Variants in DNAAF9 observed in about 807,000 individuals in gnomAD.
The protein encoded by DNAAF9 is shulin.
In DNAAF9, 90 loss-of-function variants were observed where a neutral mutation model predicts 167.0. That is an observed-to-expected ratio of 0.54 (90% confidence interval 0.45 to 0.64). The LOEUF (loss-of-function observed/expected upper bound fraction) is 0.64. Among genes scored for constraint, DNAAF9 ranks in the 30% least tolerant of loss-of-function variants. The probability of loss-of-function intolerance (pLI) is 0.00; values close to 1 mark genes in which losing one functional copy is unlikely to be tolerated. For synonymous variants in DNAAF9, 491 were observed against 508.8 expected (o/e 0.96, Z 0.47); for missense variants, 1,315 against 1,442.2 (o/e 0.91, Z 1.43).
Position 3,307,303 on chromosome 20 carries a change from T to A in DNAAF9, c.1679-2760A>T, listed in dbSNP as rs114814772. On this transcript the variant is annotated intron_variant, in intron 20 of 36. Transcript: ENST00000252032. ...TAAACAGGATCTGATTTCAGTACTG[T>A]CCTGTGATCTGTCCTGTGATCGCAG... 1,314 of 199,356 alleles carry A rather than the reference T, an allele frequency of 6.6e-3. 23 individuals are homozygous for A. Among genetic ancestry groups the A allele is most frequent in the African/African-American group, 0.029 (1,234 of 42,304 alleles). 12.3% of individuals were successfully genotyped at this position (199,356 alleles called of 1,614,324 possible).
chr20:3,280,046 T>C (rs991836899), intron 28 of DNAAF9, among the ~76,000 whole-genome samples: 9 of 152,202 alleles, frequency 5.9e-5, no homozygotes, highest in Non-Finnish European at 1.2e-4. Context: ...GTAGATGAGC[T>C]GGGTGAATAC....
chr20:3,375,954 C>T (rs945004637), intron 4 of DNAAF9, among the ~76,000 whole-genome samples: 8 of 152,276 alleles, frequency 5.3e-5, no homozygotes, highest in Non-Finnish European at 7.3e-5. Flanking sequence ...CATAAACTTA[C>T]CACTAGGTCC....
At chr20:3,321,662 G>A (rs1402931823) in intron 16 of DNAAF9, among the ~76,000 whole-genome samples, 1 of 152,152 alleles carries the variant, frequency 6.6e-6, no homozygotes, top group African/African-American at 2.4e-5. Context: ...TCAAACTCCT[G>A]GACTCAAGTG....
At chr20:3,303,558 A>G (rs1032983684) in intron 21 of DNAAF9, among the ~76,000 whole-genome samples, 1 of 152,214 alleles carries the variant, frequency 6.6e-6, no homozygotes, top group Non-Finnish European at 1.5e-5. Flanking sequence ...TTAATCTAAT[A>G]GGGCCATCCA....
In DNAAF9 at chr20:3,287,916, A is replaced by G. The variant is rs1430293065; in HGVS notation, c.2328-126T>C. The G allele has an allele frequency of 1.8e-5, 15 of 851,712 alleles. No homozygotes were observed. In the Admixed American group the frequency reaches 2.9e-4, roughly 16 times the overall value. 52.8% of individuals were successfully genotyped at this position (851,712 alleles called of 1,614,324 possible). ...TCTGCCCAGTGAATCCATTCAGGAG[A>G]AAGCCATCTTGGCCTCACAGAAAAA... On this transcript the variant is annotated intron_variant, in intron 26 of 36. Coordinates refer to ENST00000252032, the MANE Select transcript of DNAAF9 (RefSeq NM_001009984.3).
intron 27 of DNAAF9, among the ~76,000 whole-genome samples, chr20:3,282,642 A>AC (rs2068782248): frequency 6.7e-6 from 1 of 149,530 alleles, no homozygotes; most frequent in African/African-American, 2.5e-5. Context: ...CTATGATCTG[A>AC]CCCCCTATGG....
chr20:3,325,393 T>C (rs2069692524), intron 13 of DNAAF9, among the ~76,000 whole-genome samples: 1 of 152,116 alleles, frequency 6.6e-6, no homozygotes, highest in Non-Finnish European at 1.5e-5. Context: ...AAAAGATCAG[T>C]TAAAAAACAA....
At chr20:3,255,397 C>T (rs763799034) in intron 34 of DNAAF9, 113 bp from the exon 35 acceptor site, 44 of 681,048 alleles carry the variant, frequency 6.5e-5, no homozygotes, top group Middle Eastern at 2.4e-4. Context: ...GGGGAAAGCA[C>T]GTGCGCTATG....
intron 11 of DNAAF9, 128 bp downstream of exon 11, chr20:3,332,152 A>G: frequency 1.6e-6 from 1 of 614,938 alleles, no homozygotes; most frequent in Non-Finnish European, 2.9e-6. Context: ...TCAGAGAGGG[A>G]GCTGGAGGCC....
chr20:3,368,246 C>T (rs1443201932), intron 6 of DNAAF9, among the ~76,000 whole-genome samples: 1 of 152,154 alleles, frequency 6.6e-6, no homozygotes, highest in African/African-American at 2.4e-5. Flanking sequence ...GCGCTGGGCA[C>T]CACCTGGATC....
At position 3,322,217 on chromosome 20, in the gene DNAAF9, C is replaced by CGTCTTCACAAAGGATAAGCT; in HGVS notation, c.1336_1355dup (p.Cys454TyrfsTer4). On this transcript the variant is annotated stop_gained and frameshift_variant and splice_region_variant, in exon 16 of 37. Coordinates refer to ENST00000252032, the MANE Select transcript of DNAAF9 (RefSeq NM_001009984.3). LOFTEE classifies it high-confidence loss of function. The stretch of plus-strand genomic sequence containing the variant: ...GCTGACCCATGATAGCTCTGCTTAC[C>CGTCTTCACAAAGGATAAGCT]GTCTTCACAAAGGATAAGCTATCTT... 1 of 1,607,596 alleles carries CGTCTTCACAAAGGATAAGCT rather than the reference C, an allele frequency of 6.2e-7. No homozygotes were observed. Among genetic ancestry groups the CGTCTTCACAAAGGATAAGCT allele is most frequent in the Non-Finnish European group, 8.5e-7 (1 of 1,175,596 alleles).
intron 1 of DNAAF9, among the ~76,000 whole-genome samples, chr20:3,402,793 A>G (rs556058284): frequency 6.6e-6 from 1 of 152,254 alleles, no homozygotes; most frequent in African/African-American, 2.4e-5. Context: ...CATGTTACCC[A>G]GACTGGTCTC....
At chr20:3,299,717 G>A (rs1270708897) in intron 21 of DNAAF9, among the ~76,000 whole-genome samples, 1 of 152,206 alleles carries the variant, frequency 6.6e-6, no homozygotes, top group African/African-American at 2.4e-5. Flanking sequence ...CTCTCCATGG[G>A]TCTAGTCCAC....
At chr20:3,303,115 G>A (rs372696940) in intron 21 of DNAAF9, among the ~76,000 whole-genome samples, 5 of 151,952 alleles carry the variant, frequency 3.3e-5, no homozygotes, top group Middle Eastern at 3.2e-3. Context: ...GGTGGCAGGC[G>A]CCTGTAGTCT....
Position 3,394,990 on chromosome 20 carries a change from C to T in DNAAF9, c.84-12484G>A, listed in dbSNP as rs534387554. ...TTTTTTTTTTTTTTTTTTTTTGAGA[C>T]GGAGTTTCGCTCTGTCGCCCAGGCT... On this transcript the variant is annotated intron_variant, in intron 1 of 36. Coordinates refer to ENST00000252032, the MANE Select transcript of DNAAF9 (RefSeq NM_001009984.3). Among the ~76,000 whole-genome samples the T allele has an allele frequency of 3.3e-3, 245 of 73,952 alleles. 13 individuals carry two copies. Among genetic ancestry groups the T allele is most frequent in the African/African-American group, 0.012 (221 of 19,214 alleles). 48.5% of individuals were successfully genotyped at this position (73,952 alleles called of 152,430 possible).
intron 21 of DNAAF9, among the ~76,000 whole-genome samples, chr20:3,299,548 G>A (rs2069146263): frequency 6.6e-6 from 1 of 152,096 alleles, no homozygotes; most frequent in Admixed American, 6.5e-5. Context: ...CCAGCCTCAA[G>A]TGATCTGCCC....
At chr20:3,347,444 A>G (rs1439138534) in intron 8 of DNAAF9, among the ~76,000 whole-genome samples, 1 of 152,210 alleles carries the variant, frequency 6.6e-6, no homozygotes, top group African/African-American at 2.4e-5. Context: ...GTCTGGGTCT[A>G]CACAAAGGAA....
At chr20:3,394,489 T>G (rs1391727242) in intron 1 of DNAAF9, among the ~76,000 whole-genome samples, 1 of 152,210 alleles carries the variant, frequency 6.6e-6, no homozygotes, top group Admixed American at 6.5e-5. Flanking sequence ...CTTAAGGGTT[T>G]TATGTCTTCC....
chr20:3,360,352 A>G (rs980971427), intron 6 of DNAAF9, among the ~76,000 whole-genome samples: 1 of 152,168 alleles, frequency 6.6e-6, no homozygotes, highest in Non-Finnish European at 1.5e-5. Context: ...CTCGGACTCA[A>G]GTAATCCACC....
Sources: allele counts gnomAD v4.1 joint callset (sites outside exome capture counted in the v4.1 genomes callset), GRCh38; gene constraint gnomAD v4.1.1; transcripts MANE v1.5; gene names NCBI Gene and HGNC (gene_info 2026-07-23, HGNC 2026-07-21).